Variants in MAD1L1 observed in about 807,000 individuals in gnomAD.
The protein encoded by MAD1L1 is mitotic arrest deficient 1 like 1, also known as mitotic spindle assembly checkpoint protein MAD1.
MAD1L1 carries 95 observed loss-of-function variants against 96.9 expected under a neutral mutation model. The ratio of observed to expected loss-of-function variants is 0.98; its 90% CI spans 0.83 to 1.16. The LOEUF (loss-of-function observed/expected upper bound fraction) is 1.16, where lower values mean the gene tolerates loss of function less well. MAD1L1 is among the 50% of genes most tolerant of loss of function. The pLI is 0.00. For missense variants in MAD1L1, 1,007 were observed against 954.4 expected (o/e 1.06, Z -0.73); for synonymous variants, 473 against 396.6 (o/e 1.19, Z -2.29).
chr7:1,888,804 G>A (rs1166366718), intron 18 of MAD1L1, among the ~76,000 whole-genome samples: 3 of 152,176 alleles, frequency 2.0e-5, no homozygotes, highest in Admixed American at 1.3e-4. Context: ...CATGCATGTG[G>A]GTGGCTGTGC....
rs374109975 is a variant in MAD1L1 at position 2,215,980 on chromosome 7, C to G, written c.829G>C (p.Gly277Arg). The G allele has an allele frequency of 2.5e-6, 4 of 1,614,042 alleles. No homozygotes were observed. Among genetic ancestry groups the G allele is most frequent in the Admixed American group, 3.3e-5 (2 of 60,006 alleles). The change falls in exon 9 of 19, where the codon GGG (glycine) becomes CGG (arginine). Residue 277 changes from glycine to arginine, a missense_variant. Transcript: ENST00000265854. ...AHLREMRETNGLLQEELEGLQ... is the reference protein window; with the variant it reads ...AHLREMRETNRLLQEELEGLQ... ...CCTTCCAGCTCTTCCTGGAGCAGCC[C>G]GTTGGTCTCTCTCATCTCCCTGGCA...
intron 10 of MAD1L1, among the ~76,000 whole-genome samples, chr7:2,176,403 A>C (rs995113195): frequency 6.6e-6 from 1 of 152,182 alleles, no homozygotes; most frequent in Non-Finnish European, 1.5e-5. Context: ...CCCCAGATCA[A>C]AAATAAGAAC....
intron 10 of MAD1L1, among the ~76,000 whole-genome samples, chr7:2,211,998 G>A (rs7781455): frequency 0.078 from 11,854 of 152,254 alleles, 1,595 homozygotes; most frequent in African/African-American, 0.27. Context: ...GGGCTCTGAT[G>A]GCTCCTTCAA....
At chr7:2,020,131 G>C (rs1238585080) in intron 12 of MAD1L1, among the ~76,000 whole-genome samples, 1 of 152,238 alleles carries the variant, frequency 6.6e-6, no homozygotes, top group Non-Finnish European at 1.5e-5. Context: ...GCCCCGGCTG[G>C]TGCTGCAAAC....
At chr7:1,881,266 A>C (rs1255010351) in intron 18 of MAD1L1, among the ~76,000 whole-genome samples, 1 of 152,146 alleles carries the variant, frequency 6.6e-6, no homozygotes, top group African/African-American at 2.4e-5. Flanking sequence ...ATTTATGCCT[A>C]GTGTTCCATT....
intron 18 of MAD1L1, among the ~76,000 whole-genome samples, chr7:1,854,037 C>T (rs1784114496): frequency 6.6e-6 from 1 of 152,226 alleles, no homozygotes; most frequent in Non-Finnish European, 1.5e-5. Context: ...TAATATCACT[C>T]ATTGTGAAGG....
intron 10 of MAD1L1, among the ~76,000 whole-genome samples, chr7:2,212,618 G>A (rs1250036118): frequency 6.6e-6 from 1 of 152,044 alleles, no homozygotes; most frequent in Non-Finnish European, 1.5e-5. Flanking sequence ...TTTGCATTGC[G>A]GCGTGCCTGT....
intron 10 of MAD1L1, among the ~76,000 whole-genome samples, chr7:2,187,177 A>G (rs113744205): frequency 0.026 from 3,975 of 152,020 alleles, 91 homozygotes; most frequent in South Asian, 0.073. Context: ...ACAAAACCTC[A>G]TCTCTACCAA....
intron 17 of MAD1L1, among the ~76,000 whole-genome samples, chr7:1,925,972 C>T (rs1789064083): frequency 6.6e-6 from 1 of 151,648 alleles, no homozygotes; most frequent in Non-Finnish European, 1.5e-5. Context: ...AACTAGGTCT[C>T]TAAGGAGATC....
intron 14 of MAD1L1, 123 bp from the exon 15 acceptor site, chr7:1,980,664 G>A (rs1350429867): frequency 1.4e-5 from 11 of 762,950 alleles, no homozygotes; most frequent in Non-Finnish European, 2.3e-5. Flanking sequence ...GGAGCTGCGG[G>A]AGAGACCTCT....
chr7:1,908,313 C>T (rs1787802872), intron 17 of MAD1L1, among the ~76,000 whole-genome samples: 2 of 152,232 alleles, frequency 1.3e-5, no homozygotes, highest in African/African-American at 2.4e-5. Flanking sequence ...ATCTCTACCT[C>T]ACCATCAGAG....
intron 12 of MAD1L1, among the ~76,000 whole-genome samples, chr7:2,063,510 A>G (rs1265630727): frequency 6.6e-6 from 1 of 152,254 alleles, no homozygotes; most frequent in East Asian, 1.9e-4. Context: ...AAGCTGCCCA[A>G]GCTGTATGAA....
chr7:1,819,567 C>T (rs1486365321), intron 18 of MAD1L1, among the ~76,000 whole-genome samples: 13 of 152,314 alleles, frequency 8.5e-5, no homozygotes, highest in African/African-American at 2.2e-4. Context: ...ATTGTGTGCC[C>T]GGCCCCCATT....
intron 12 of MAD1L1, among the ~76,000 whole-genome samples, chr7:2,029,891 GA>G (rs1783144910): frequency 6.6e-6 from 1 of 152,060 alleles, no homozygotes; most frequent in African/African-American, 2.4e-5. Flanking sequence ...TGAGAGAGGG[GA>G]AAAGCTTCAG....
chr7:1,948,720 T>C (rs1779347356), intron 16 of MAD1L1, among the ~76,000 whole-genome samples: 1 of 152,154 alleles, frequency 6.6e-6, no homozygotes, highest in South Asian at 2.1e-4. Context: ...GAAGACGGCA[T>C]GTGAGAGTCT....
chr7:2,129,989 A>G (rs1401428560), intron 11 of MAD1L1, among the ~76,000 whole-genome samples: 1 of 152,088 alleles, frequency 6.6e-6, no homozygotes, highest in Non-Finnish European at 1.5e-5. Context: ...AGAAAACACT[A>G]CCCAACAGAG....
intron 18 of MAD1L1, among the ~76,000 whole-genome samples, chr7:1,827,330 C>G (rs1406181116): frequency 2.1e-4 from 32 of 152,212 alleles, no homozygotes; most frequent in Non-Finnish European, 1.5e-5. Flanking sequence ...GACAGGTGCT[C>G]AGATCAGGCA....
intron 18 of MAD1L1, among the ~76,000 whole-genome samples, chr7:1,856,690 T>C (rs919455231): frequency 2.7e-5 from 4 of 150,844 alleles, no homozygotes; most frequent in African/African-American, 2.5e-5. Flanking sequence ...GCCCCGAAGA[T>C]GGCATAGCCC....
At chr7:2,222,808 G>A in intron 4 of MAD1L1, 54 bp from the exon 5 acceptor site, 1 of 1,433,950 alleles carries the variant, frequency 7.0e-7, no homozygotes, top group Non-Finnish European at 9.4e-7. Flanking sequence ...AGGGTCAGCG[G>A]GGAGCCCTCA....
Sources: allele counts gnomAD v4.1 joint callset (sites outside exome capture counted in the v4.1 genomes callset), GRCh38; gene constraint gnomAD v4.1.1; transcripts MANE v1.5; gene names NCBI Gene and HGNC (gene_info 2026-07-23, HGNC 2026-07-21).